The following PARD3 variants were observed in gnomAD, a reference collection of about 807,000 sequenced individuals.
PARD3 encodes par-3 family cell polarity regulator.
A neutral mutation model predicts 155.4 loss-of-function variants in PARD3; 75 were observed. The observed-to-expected ratio is 0.48, with a 90% CI of 0.40 to 0.58. PARD3 has a LOEUF of 0.58. PARD3 is among the 20% of genes least tolerant of loss of function. PARD3 has a pLI of 0.00. For synonymous variants in PARD3, 576 were observed against 610.5 expected (o/e 0.94, Z 0.83); for missense variants, 1,642 against 1,721.7 (o/e 0.95, Z 0.82).
At chr10:34,264,267 G>A (rs560093312) in intron 22 of PARD3, among the ~76,000 whole-genome samples, 69 of 152,286 alleles carry the variant, frequency 4.5e-4, no homozygotes, top group Non-Finnish European at 5.9e-4. Context: ...AGTGTTCTGA[G>A]CATGTTTAAG....
At chr10:34,145,189 G>GTGTATATA (rs1420164054) in intron 22 of PARD3, among the ~76,000 whole-genome samples, 1 of 49,610 alleles carries the variant, frequency 2.0e-5, no homozygotes, top group African/African-American at 1.1e-4. Context: ...GTGTGTGTGT[G>GTGTATATA]TATATATATA....
At chr10:34,454,867 C>T (rs1385603459) in intron 4 of PARD3, among the ~76,000 whole-genome samples, 2 of 152,128 alleles carry the variant, frequency 1.3e-5, no homozygotes, top group East Asian at 1.9e-4. Flanking sequence ...TCCCTGGTAG[C>T]GGTATCCTGG....
Position 34,630,753 on chromosome 10 carries a change from C to T in PARD3, c.222+65565G>A, listed in dbSNP as rs889485721. On this transcript the variant is annotated intron_variant, in intron 2 of 24. Coordinates refer to ENST00000374788, the MANE Select transcript of PARD3 (RefSeq NM_001184785.2). Reference sequence around the variant, plus strand: ...GCCACTGCACCTGGCATCTTATCCTCCAAGGCTGTGCTAGGAGGAGCAAAC... The same window carrying T: ...GCCACTGCACCTGGCATCTTATCCTTCAAGGCTGTGCTAGGAGGAGCAAAC... Among the ~76,000 whole-genome samples the T allele has an allele frequency of 2.0e-5, 3 of 152,006 alleles. No individual in the cohort carries two copies. The South Asian group carries it at 6.2e-4, about 32-fold the overall frequency.
chr10:34,153,524 G>A (rs1355141148), intron 22 of PARD3, among the ~76,000 whole-genome samples: 1 of 152,108 alleles, frequency 6.6e-6, no homozygotes, highest in African/African-American at 2.4e-5. Context: ...TAGTACATTT[G>A]AATTATCATA....
intron 5 of PARD3, among the ~76,000 whole-genome samples, chr10:34,432,572 T>C (rs948233440): frequency 1.3e-5 from 2 of 152,032 alleles, no homozygotes; most frequent in Non-Finnish European, 2.9e-5. Flanking sequence ...TTCACAGGGG[T>C]AAGGTAATTC....
At chr10:34,188,678 A>G (rs1419985477) in intron 22 of PARD3, among the ~76,000 whole-genome samples, 1 of 152,140 alleles carries the variant, frequency 6.6e-6, no homozygotes, top group Admixed American at 6.5e-5. Flanking sequence ...GAATGAAAAC[A>G]TCACTCCAAA....
chr10:34,135,418 C>T (rs1947842166), intron 22 of PARD3, among the ~76,000 whole-genome samples: 1 of 152,192 alleles, frequency 6.6e-6, no homozygotes, highest in African/African-American at 2.4e-5. Context: ...CCTAGGATCA[C>T]ACACTACAGA....
intron 2 of PARD3, among the ~76,000 whole-genome samples, chr10:34,678,799 T>C (rs1410924822): frequency 6.7e-6 from 1 of 150,074 alleles, no homozygotes; most frequent in Non-Finnish European, 1.5e-5. Flanking sequence ...GACTTTCAAT[T>C]CCCCCCGCCC....
At chr10:34,395,950 G>A (rs1409108378) in intron 7 of PARD3, among the ~76,000 whole-genome samples, 1 of 151,844 alleles carries the variant, frequency 6.6e-6, no homozygotes, top group Admixed American at 6.6e-5. Flanking sequence ...AGTCAACTAA[G>A]ACAGGGGTTG....
intron 2 of PARD3, among the ~76,000 whole-genome samples, chr10:34,639,266 C>T (rs183439843): frequency 1.3e-5 from 2 of 151,874 alleles, no homozygotes; most frequent in Admixed American, 6.6e-5. Flanking sequence ...CATGGTGGCA[C>T]GTGACTGTAA....
chr10:34,177,959 C>T (rs1950109344), intron 22 of PARD3, among the ~76,000 whole-genome samples: 2 of 152,204 alleles, frequency 1.3e-5, no homozygotes, highest in African/African-American at 4.8e-5. Flanking sequence ...ACACAAATTA[C>T]TATCACTGGT....
chr10:34,685,169 T>C (rs945736337), intron 2 of PARD3, among the ~76,000 whole-genome samples: 2 of 152,186 alleles, frequency 1.3e-5, no homozygotes, highest in Admixed American at 6.6e-5. Flanking sequence ...CAGAAGACAG[T>C]AGGGTATGTA....
chr10:34,470,090 T>G lies in PARD3; in HGVS notation c.577A>C (p.Arg193=). ...NTAGSPKTCD[R]KKDENYRSLP... Reference sequence around the variant, plus strand: ...AAACAAGCAGAGGTGGTTACCTTCCTGTCGCAGGTTTTAGGACTCCCAGCA... The same window carrying G: ...AAACAAGCAGAGGTGGTTACCTTCCGGTCGCAGGTTTTAGGACTCCCAGCA... Residue 193 remains arginine, a synonymous_variant, in exon 4 of 25, where the codon AGG becomes CGG. Transcript: ENST00000374788. 1.3e-6 allele frequency: 2 copies of G among 1,598,714 alleles called. No individual in the cohort carries two copies. The highest frequency in any genetic ancestry group is 1.7e-6 in the Non-Finnish European group (2 of 1,172,114).
intron 22 of PARD3, among the ~76,000 whole-genome samples, chr10:34,229,169 T>C (rs1049676812): frequency 2.0e-5 from 3 of 152,060 alleles, no homozygotes; most frequent in African/African-American, 7.3e-5. Flanking sequence ...GCTATATGAC[T>C]GCTTCTGCAT....
chr10:34,436,305 A>G (rs1172632524), intron 5 of PARD3, among the ~76,000 whole-genome samples: 1 of 152,192 alleles, frequency 6.6e-6, no homozygotes, highest in Non-Finnish European at 1.5e-5. Flanking sequence ...CTGTGCTCCT[A>G]AACAGTATAG....
chr10:34,700,501 C>A (rs1306932825), intron 1 of PARD3, among the ~76,000 whole-genome samples: 1 of 152,090 alleles, frequency 6.6e-6, no homozygotes. Context: ...AGAAATAGCA[C>A]CCTACTTTTT....
chr10:34,585,677 CTCTG>C (rs1418380320), intron 2 of PARD3, among the ~76,000 whole-genome samples: 4 of 152,044 alleles, frequency 2.6e-5, no homozygotes, highest in Non-Finnish European at 4.4e-5. Context: ...ATTCAAATCA[CTCTG>C]TCTGCACTGC....
At chr10:34,571,916 T>C (rs549189596) in intron 2 of PARD3, among the ~76,000 whole-genome samples, 2 of 152,258 alleles carry the variant, frequency 1.3e-5, no homozygotes, top group African/African-American at 2.4e-5. Context: ...AAAATAATGT[T>C]GGACTCTAGA....
At chr10:34,484,162 G>T (rs778265690) in intron 3 of PARD3, among the ~76,000 whole-genome samples, 2 of 152,162 alleles carry the variant, frequency 1.3e-5, no homozygotes, top group African/African-American at 2.4e-5. Flanking sequence ...GAGCAAGAAG[G>T]CAGTTTCCCA....
Sources: allele counts gnomAD v4.1 joint callset (sites outside exome capture counted in the v4.1 genomes callset), GRCh38; gene constraint gnomAD v4.1.1; transcripts MANE v1.5; gene names NCBI Gene and HGNC (gene_info 2026-07-23, HGNC 2026-07-21).